PLEKHG7: variants seen among roughly 807,000 people sequenced by gnomAD.
PLEKHG7 encodes the protein pleckstrin homology domain-containing family G member 7.
Under a neutral mutation model 85.2 loss-of-function variants are expected in PLEKHG7, and 77 were observed. That is an observed-to-expected ratio of 0.90 (90% CI 0.75 to 1.09). The LOEUF (loss-of-function observed/expected upper bound fraction) is 1.09. PLEKHG7 is among the 50% of genes least tolerant of loss of function. The pLI, the probability that PLEKHG7 is intolerant of heterozygous loss-of-function variation, is 0.00. For synonymous variants in PLEKHG7, 301 were observed against 302.4 expected (o/e 1.00, Z 0.05); for missense variants, 777 against 804.3 (o/e 0.97, Z 0.41).
At chr12:92,733,392 C>A (rs1481179964) in intron 5 of PLEKHG7, among the ~76,000 whole-genome samples, 1 of 152,158 alleles carries the variant, frequency 6.6e-6, no homozygotes, top group Non-Finnish European at 1.5e-5. Context: ...ATTCTCATAG[C>A]CAAGTGTATG....
chr12:92,740,206 T>C (rs1418094523), intron 7 of PLEKHG7, among the ~76,000 whole-genome samples: 1 of 152,264 alleles, frequency 6.6e-6, no homozygotes, highest in Non-Finnish European at 1.5e-5. Context: ...TATTTCTTTT[T>C]CAATAAATTG....
intron 15 of PLEKHG7, among the ~76,000 whole-genome samples, chr12:92,767,017 G>A (rs1180009750): frequency 1.3e-5 from 2 of 152,148 alleles, no homozygotes; most frequent in Non-Finnish European, 2.9e-5. Context: ...GAGAGATTGA[G>A]CTCTGGAGTG....
intron 11 of PLEKHG7, among the ~76,000 whole-genome samples, chr12:92,755,030 G>A (rs1872789815): frequency 6.6e-6 from 1 of 152,082 alleles, no homozygotes; most frequent in South Asian, 2.1e-4. Flanking sequence ...TATCTGAAGA[G>A]CTGGAATTAA....
rs1330284754 is a variant in PLEKHG7 at position 92,706,969 on chromosome 12, A to T, written c.338A>T (p.Glu113Val). 1.9e-6 allele frequency: 3 copies of T among 1,614,142 alleles called. No homozygotes were observed. The highest frequency in any genetic ancestry group is 2.5e-6 in the Non-Finnish European group (3 of 1,180,018). Residue 113 changes from glutamate (E) to valine (V), a missense_variant, in exon 2 of 17, where the codon GAA becomes GTA. By Grantham distance (121) the Glu-to-Val change is moderately radical. This residue lies in a region of PLEKHG7 where 252 missense variants were observed against 241.9 expected (regional missense o/e 1.04). Coordinates refer to ENST00000344636, the MANE Select transcript of PLEKHG7 (RefSeq NM_001377329.1). ...RLHSRLTSEPERALNAADSLE... is the reference protein window; with the variant it reads ...RLHSRLTSEPVRALNAADSLE... ...CACTCAAGATTGACCTCTGAACCTG[A>T]AAGGGCCCTGAATGCAGCTGACTCA...
intron 4 of PLEKHG7, among the ~76,000 whole-genome samples, chr12:92,729,930 T>C (rs1246587873): frequency 6.6e-6 from 1 of 152,096 alleles, no homozygotes; most frequent in Non-Finnish European, 1.5e-5. Context: ...ACCAGGGTCA[T>C]CCCTCATTCA....
In PLEKHG7 at chr12:92,729,120, G is replaced by T; in HGVS notation, c.658G>T (p.Glu220Ter). Residue 220 changes from glutamate (E) to a stop codon, truncating the protein, a stop_gained and splice_region_variant, in exon 4 of 17, where the codon GAA (glutamate) becomes TAA (stop). Coordinates refer to ENST00000344636, the MANE Select transcript of PLEKHG7 (RefSeq NM_001377329.1). LOFTEE classifies it high-confidence loss of function. ...LCHPLLLLNS[E>*]SKKPRWPFSK... ...CCATCCACTTCTGCTGCTGAATTCA[G>T]GTTCTGTTCATTCAGTATACTTTCA... The T allele has an allele frequency of 8.1e-7, 1 of 1,231,644 alleles. No individual in the cohort carries two copies. Among genetic ancestry groups the T allele is most frequent in the Non-Finnish European group, 1.0e-6 (1 of 987,734 alleles). 76.3% of individuals were successfully genotyped at this position (1,231,644 alleles called of 1,614,324 possible). A position where few individuals can be genotyped will look rare whatever the true frequency, so the allele number is the denominator to read the frequency against.
intron 3 of PLEKHG7, among the ~76,000 whole-genome samples, chr12:92,725,633 T>A (rs1246972421): frequency 5.9e-5 from 9 of 152,178 alleles, no homozygotes; most frequent in African/African-American, 7.2e-5. Context: ...AAATGAACTT[T>A]ATTTTGTGTC....
rs373426481 is a variant in PLEKHG7 at position 92,740,884 on chromosome 12, C to T, written c.971C>T (p.Thr324Ile). The T allele has an allele frequency of 1.2e-6, 2 of 1,610,864 alleles. No individual in the cohort carries two copies. Among genetic ancestry groups the T allele is most frequent in the Non-Finnish European group, 8.5e-7 (1 of 1,177,888 alleles). Reference sequence around the variant, plus strand: ...ATGAATACACTAAGATATCTGCAAACTCATGAATATCTCCTAGATGTGGAT... The same window carrying T: ...ATGAATACACTAAGATATCTGCAAATTCATGAATATCTCCTAGATGTGGAT... ...IFMNTLRYLQ[T>I]HEYLLDVDLW... is the part of the protein sequence containing the mutation. Residue 324 changes from threonine (T) to isoleucine (I), a missense_variant, in exon 8 of 17, where the codon ACT becomes ATT. By Grantham distance (89) the Thr-to-Ile change is moderately conservative (BLOSUM62 -1). Transcript: ENST00000344636.
chr12:92,763,738 G>T (rs1438895254), intron 14 of PLEKHG7, among the ~76,000 whole-genome samples: 3 of 152,144 alleles, frequency 2.0e-5, no homozygotes, highest in African/African-American at 7.2e-5. Context: ...AGGATCACTT[G>T]AGTGTAGGAG....
rs116149968 is a variant in PLEKHG7 at position 92,731,853 on chromosome 12, A to G, written c.659-380A>G. ...GGGCGTTCTGGAAAGATGGTGTGAAAATGAAGGGCCTGTCCTTTTAGCCCC... is the reference window on the plus strand; with the variant it reads ...GGGCGTTCTGGAAAGATGGTGTGAAGATGAAGGGCCTGTCCTTTTAGCCCC... On this transcript the variant is annotated intron_variant, in intron 4 of 16. Coordinates refer to ENST00000344636, the MANE Select transcript of PLEKHG7 (RefSeq NM_001377329.1). Among the ~76,000 whole-genome samples the G allele has an allele frequency of 7.1e-3, 1,082 of 152,266 alleles. 13 individuals carry two copies. Among genetic ancestry groups the G allele is most frequent in the African/African-American group, 0.024 (985 of 41,544 alleles).
chr12:92,713,187 C>G (rs969137311), intron 3 of PLEKHG7, among the ~76,000 whole-genome samples: 1 of 152,194 alleles, frequency 6.6e-6, no homozygotes, highest in African/African-American at 2.4e-5. Context: ...CTCAAGGGGA[C>G]CTGGCCTTCC....
chr12:92,761,705 A>G (rs1017106770), intron 13 of PLEKHG7, 47 bp from the exon 14 acceptor site: 1 of 1,508,592 alleles, frequency 6.6e-7, no homozygotes. Context: ...AAACTCTTCT[A>G]CTTAACAGTT....
At chr12:92,766,554 C>T (rs1481897712) in intron 15 of PLEKHG7, among the ~76,000 whole-genome samples, 1 of 151,838 alleles carries the variant, frequency 6.6e-6, no homozygotes, top group Non-Finnish European at 1.5e-5. Flanking sequence ...TAAAAACATG[C>T]TTCTGGGAAC....
intron 13 of PLEKHG7, among the ~76,000 whole-genome samples, chr12:92,759,883 G>A (rs1480045472): frequency 4.6e-5 from 7 of 152,082 alleles, no homozygotes; most frequent in East Asian, 3.8e-4. Flanking sequence ...CACTGGAGAC[G>A]GACAGGTTAA....
intron 16 of PLEKHG7, 70 bp downstream of exon 16, chr12:92,769,150 T>G (rs1873318491): frequency 1.7e-6 from 2 of 1,162,742 alleles, no homozygotes; most frequent in Non-Finnish European, 2.5e-6. Context: ...GTGTCTTAAG[T>G]AACAGTGAAT....
intron 9 of PLEKHG7, 122 bp downstream of exon 9, chr12:92,741,714 A>G (rs1175133931): frequency 3.5e-6 from 2 of 573,508 alleles, no homozygotes; most frequent in African/African-American, 1.9e-5. Context: ...CTCTCCTACA[A>G]AGGAACTGTC....
chr12:92,745,731 T>G, intron 10 of PLEKHG7, 140 bp downstream of exon 10: 1 of 611,650 alleles, frequency 1.6e-6, no homozygotes. Context: ...CAAATCTGCT[T>G]TCCTCATAAA....
intron 3 of PLEKHG7, among the ~76,000 whole-genome samples, chr12:92,709,888 T>G (rs1871335559): frequency 6.6e-6 from 1 of 152,096 alleles, no homozygotes; most frequent in African/African-American, 2.4e-5. Context: ...ACTAAAAATA[T>G]TTTTTCTTTA....
At chr12:92,768,953 G>A (rs781449966) in intron 15 of PLEKHG7, 30 bp from the exon 16 acceptor site, 1 of 1,422,190 alleles carries the variant, frequency 7.0e-7, no homozygotes, top group Non-Finnish European at 9.7e-7. Context: ...AAATGATTTG[G>A]CTTTTTGTCT....
Sources: gnomAD v4.1 joint callset for allele counts (sites outside exome capture counted in the v4.1 genomes callset) on GRCh38, gnomAD v4.1.1 for gene constraint, gnomAD v4.1.1 regional missense constraint, MANE v1.5 for transcripts, NCBI Gene and HGNC (gene_info 2026-07-23, HGNC 2026-07-21) for gene names.